PTPRD: variants seen among roughly 807,000 people sequenced by gnomAD.
The protein encoded by PTPRD is receptor-type tyrosine-protein phosphatase delta.
In PTPRD, 34 loss-of-function variants were observed where a neutral mutation model predicts 214.5. The observed-to-expected ratio is 0.16, with a 90% CI of 0.12 to 0.21. The LOEUF (loss-of-function observed/expected upper bound fraction) is 0.21, where lower values mean the gene tolerates loss of function less well. PTPRD is among the 10% of genes least tolerant of loss of function. The probability of loss-of-function intolerance (pLI) is 1.00; values close to 1 mark genes in which losing one functional copy is unlikely to be tolerated. For missense variants in PTPRD, 2,545 were observed against 2,398.7 expected, an observed-to-expected ratio of 1.06 and a Z score of -1.27; for synonymous variants, 1,128 against 845.7, an observed-to-expected ratio of 1.33 and a Z score of -5.79.
intron 3 of PTPRD, among the ~76,000 whole-genome samples, chr9:10,047,099 T>C (rs291261): frequency 0.058 from 8,747 of 152,010 alleles, 885 homozygotes; most frequent in African/African-American, 0.2. Flanking sequence ...AGCTCACCTA[T>C]AGTTTGAATA....
intron 14 of PTPRD, among the ~76,000 whole-genome samples, chr9:8,622,682 T>C (rs1198006434): frequency 6.6e-6 from 1 of 151,998 alleles, no homozygotes; most frequent in African/African-American, 2.4e-5. Context: ...AATAAATTCA[T>C]GAATTAATAC....
chr9:9,277,491 A>G (rs965195458), intron 9 of PTPRD, among the ~76,000 whole-genome samples: 2 of 151,414 alleles, frequency 1.3e-5, no homozygotes, highest in African/African-American at 2.4e-5. Context: ...CTGTTAACAC[A>G]GACTCATCAG....
chr9:9,719,067 T>C (rs1432345375), intron 7 of PTPRD, among the ~76,000 whole-genome samples: 1 of 152,172 alleles, frequency 6.6e-6, no homozygotes, highest in Admixed American at 6.5e-5. Context: ...TTATGGCCAG[T>C]TGAATGGTGC....
rs755762399 is a variant in PTPRD at position 8,314,785 on chromosome 9, G to A, written c.*3089C>T. On this transcript the variant is annotated 3_prime_UTR_variant, in exon 46 of 46. Coordinates refer to ENST00000381196, the MANE Select transcript of PTPRD (RefSeq NM_002839.4). ...TTTACATACACACAAATGAATTTCC[G>A]AAGCAGTTTCTTACAGATGGGTTCA... The A allele has an allele frequency of 4.7e-5, 11 of 232,002 alleles. No individual in the cohort carries two copies. Among genetic ancestry groups the A allele is most frequent in the East Asian group, 6.1e-5 (1 of 16,512 alleles). The allele number at this position is 232,002 out of a possible 1,614,324, so 14.4% of individuals were successfully genotyped here. A position where few individuals can be genotyped will look rare whatever the true frequency, so the allele number is the denominator to read the frequency against.
chr9:8,801,263 A>C (rs866701573), intron 11 of PTPRD, among the ~76,000 whole-genome samples: 2 of 152,200 alleles, frequency 1.3e-5, no homozygotes, highest in African/African-American at 2.4e-5. Context: ...AAATCTTGCT[A>C]TAGTTAATAA....
At chr9:9,998,129 A>AAAAAATATATAT (rs57991748) in intron 4 of PTPRD, among the ~76,000 whole-genome samples, 11,277 of 90,398 alleles carry the variant, frequency 0.12, 875 homozygotes, top group Middle Eastern at 0.19. Context: ...AAAAAAAAAA[A>AAAAAATATATAT]ATATATATAT....
At chr9:9,850,373 T>C (rs2060319713) in intron 5 of PTPRD, among the ~76,000 whole-genome samples, 1 of 152,006 alleles carries the variant, frequency 6.6e-6, no homozygotes, top group South Asian at 2.1e-4. Flanking sequence ...TTATTATTAG[T>C]AGTATTGCTA....
intron 10 of PTPRD, among the ~76,000 whole-genome samples, chr9:9,052,661 G>A (rs961608197): frequency 1.2e-4 from 19 of 152,128 alleles, no homozygotes; most frequent in South Asian, 4.1e-4. Flanking sequence ...GTTACATAGC[G>A]TCTCAACAAT....
chr9:9,603,076 G>A (rs549454892), intron 7 of PTPRD, among the ~76,000 whole-genome samples: 92 of 152,228 alleles, frequency 6.0e-4, no homozygotes, highest in Middle Eastern at 3.4e-3. Context: ...ATCTGTGAAC[G>A]TAATGATTAG....
intron 2 of PTPRD, among the ~76,000 whole-genome samples, chr9:10,574,789 A>G (rs968096349): frequency 3.1e-4 from 41 of 133,746 alleles, no homozygotes; most frequent in South Asian, 2.7e-4. Context: ...ATATATACAC[A>G]CACATCAAAT....
At chr9:8,901,383 G>A (rs1396418552) in intron 11 of PTPRD, among the ~76,000 whole-genome samples, 3 of 152,138 alleles carry the variant, frequency 2.0e-5, no homozygotes, top group Non-Finnish European at 2.9e-5. Flanking sequence ...CAATATGAAT[G>A]ACTAGTCATA....
intron 2 of PTPRD, among the ~76,000 whole-genome samples, chr9:10,539,096 T>A (rs548364300): frequency 6.6e-6 from 1 of 152,338 alleles, no homozygotes; most frequent in South Asian, 2.1e-4. Context: ...TTTCTCTCCA[T>A]CCTGATCTTG....
chr9:10,569,969 C>T (rs1159652421), intron 2 of PTPRD, among the ~76,000 whole-genome samples: 1 of 151,946 alleles, frequency 6.6e-6, no homozygotes, highest in African/African-American at 2.4e-5. Context: ...TATAATATGT[C>T]TATAAAATAA....
At chr9:8,950,619 G>A (rs989820519) in intron 11 of PTPRD, among the ~76,000 whole-genome samples, 1 of 151,886 alleles carries the variant, frequency 6.6e-6, no homozygotes, top group Non-Finnish European at 1.5e-5. Context: ...ATAGGACTCT[G>A]TATATAATGG....
At chr9:9,165,088 G>T (rs561185310) in intron 10 of PTPRD, among the ~76,000 whole-genome samples, 1 of 151,170 alleles carries the variant, frequency 6.6e-6, no homozygotes, top group East Asian at 1.9e-4. Flanking sequence ...AACATTTACT[G>T]GTTTCTTTTT....
chr9:8,327,081 A>C (rs1251584996), intron 44 of PTPRD, among the ~76,000 whole-genome samples: 2 of 149,046 alleles, frequency 1.3e-5, no homozygotes. Flanking sequence ...TTAGCTTTTG[A>C]ATTTGTTTGC....
chr9:10,156,075 T>G (rs536411828), intron 3 of PTPRD, among the ~76,000 whole-genome samples: 1 of 111,798 alleles, frequency 8.9e-6, no homozygotes, highest in East Asian at 2.8e-4. Flanking sequence ...CTCTTTTGAA[T>G]GTTTGTGTGT....
intron 11 of PTPRD, among the ~76,000 whole-genome samples, chr9:8,966,599 A>T (rs2154327025): frequency 6.6e-6 from 1 of 152,224 alleles, no homozygotes; most frequent in African/African-American, 2.4e-5. Context: ...TATATACAAA[A>T]ATTAACTCAA....
At chr9:10,070,077 CA>C (rs1448967351) in intron 3 of PTPRD, among the ~76,000 whole-genome samples, 1 of 151,870 alleles carries the variant, frequency 6.6e-6, no homozygotes, top group African/African-American at 2.4e-5. Flanking sequence ...TTAATAACAA[CA>C]AAAAAGGTAA....
Sources: gnomAD v4.1 joint callset for allele counts (sites outside exome capture counted in the v4.1 genomes callset) on GRCh38, gnomAD v4.1.1 for gene constraint, MANE v1.5 for transcripts, NCBI Gene and HGNC (gene_info 2026-07-23, HGNC 2026-07-21) for gene names.